ARMC8: variants seen among roughly 807,000 people sequenced by gnomAD.
The protein encoded by ARMC8 is armadillo repeat containing 8, also known as armadillo repeat-containing protein 8.
ARMC8 carries 20 observed loss-of-function variants against 99.3 expected under a neutral mutation model. The observed-to-expected ratio is 0.20, with a 90% CI of 0.14 to 0.29. The LOEUF is 0.29. ARMC8 is among the 10% of genes least tolerant of loss of function. The probability of loss-of-function intolerance (pLI) is 1.00; values close to 1 mark genes in which losing one functional copy is unlikely to be tolerated. For missense variants in ARMC8, 569 were observed against 809.5 expected, an observed-to-expected ratio of 0.70 and a Z score of 3.60; for synonymous variants, 263 against 278.3, an observed-to-expected ratio of 0.95 and a Z score of 0.55.
chr3:138,294,081 C>G (rs2051243579), intron 21 of ARMC8, among the ~76,000 whole-genome samples: 1 of 152,286 alleles, frequency 6.6e-6, no homozygotes, highest in East Asian at 1.9e-4. Flanking sequence ...CCAAAATAAT[C>G]AAACCTAGCC....
At chr3:138,196,048 G>A (rs1374921976) in intron 1 of ARMC8, among the ~76,000 whole-genome samples, 1 of 152,090 alleles carries the variant, frequency 6.6e-6, no homozygotes, top group Non-Finnish European at 1.5e-5. Context: ...TATTAATATT[G>A]GGAGGTCTTT....
At chr3:138,284,562 T>C (rs2050224632) in intron 19 of ARMC8, 36 bp downstream of exon 19, 1 of 1,434,582 alleles carries the variant, frequency 7.0e-7, no homozygotes. Context: ...AGGATTAGAA[T>C]GCAGGGACTG....
At chr3:138,247,505 A>T (rs916695658) in intron 12 of ARMC8, among the ~76,000 whole-genome samples, 2 of 152,362 alleles carry the variant, frequency 1.3e-5, no homozygotes, top group Middle Eastern at 3.4e-3. Flanking sequence ...TGAAATGTTC[A>T]GTTGGTCTGC....
At position 138,239,477 on chromosome 3, in the gene ARMC8, C is replaced by A; in HGVS notation, c.786C>A (p.Tyr262Ter). Residue 262 changes from tyrosine to a stop codon, truncating the protein, a stop_gained, in exon 10 of 22, where the codon TAC (tyrosine) becomes TAA (stop). Transcript: ENST00000469044. LOFTEE classifies it high-confidence loss of function. ...MQLTSAKCLT[Y>*]MCRAGAIRTD... ...TGCTGTCTTATTCCAGTTTAACTTA[C>A]ATGTGTAGAGCTGGAGCAATTCGGA... is the stretch of plus-strand genomic sequence containing the variant. 1 of 1,599,374 alleles carries A rather than the reference C, an allele frequency of 6.3e-7. No individual in the cohort carries two copies. Among genetic ancestry groups the A allele is most frequent in the Non-Finnish European group, 8.5e-7 (1 of 1,173,646 alleles).
At chr3:138,284,326 T>G in intron 18 of ARMC8, 105 bp from the exon 19 acceptor site, 42 of 781,694 alleles carry the variant, frequency 5.4e-5, no homozygotes, top group Non-Finnish European at 8.1e-5. Context: ...GTGGAACCTG[T>G]GAGAATCCAT....
chr3:138,199,058 GT>G (rs1285081453), intron 1 of ARMC8, among the ~76,000 whole-genome samples: 1 of 152,088 alleles, frequency 6.6e-6, no homozygotes, highest in African/African-American at 2.4e-5. Context: ...ATTCTACACT[GT>G]TGAGGCCCAG....
intron 1 of ARMC8, among the ~76,000 whole-genome samples, chr3:138,207,519 A>C (rs995267145): frequency 1.3e-5 from 2 of 152,220 alleles, no homozygotes; most frequent in Non-Finnish European, 2.9e-5. Flanking sequence ...AGCTATAGAC[A>C]GTAAAGATAG....
intron 1 of ARMC8, chr3:138,187,917 G>T: frequency 2.4e-6 from 1 of 416,830 alleles, no homozygotes; most frequent in Non-Finnish European, 4.3e-6. Flanking sequence ...GTTTCACTGA[G>T]CCTTCCTTTT....
chr3:138,294,446 C>G (rs545593353), intron 21 of ARMC8, among the ~76,000 whole-genome samples: 4 of 152,274 alleles, frequency 2.6e-5, no homozygotes, highest in African/African-American at 9.6e-5. Flanking sequence ...CTTGTAGAAC[C>G]CTACTTGCTC....
intron 20 of ARMC8, among the ~76,000 whole-genome samples, chr3:138,289,734 G>A (rs992165547): frequency 2.6e-5 from 4 of 152,100 alleles, no homozygotes; most frequent in Admixed American, 1.3e-4. Context: ...TATAGCCAAG[G>A]TAGCAAATAC....
intron 6 of ARMC8, 187 bp downstream of exon 6, chr3:138,229,197 T>C (rs1193729618): frequency 8.2e-6 from 1 of 122,096 alleles, no homozygotes; most frequent in African/African-American, 3.1e-5. Context: ...TATGTATATG[T>C]ATATGTATAT....
At chr3:138,263,025 G>C (rs2047907902) in intron 12 of ARMC8, among the ~76,000 whole-genome samples, 1 of 152,194 alleles carries the variant, frequency 6.6e-6, no homozygotes, top group Non-Finnish European at 1.5e-5. Context: ...CTCAACAAAT[G>C]TGTTTGTTAA....
intron 14 of ARMC8, 79 bp downstream of exon 14, chr3:138,264,291 G>A (rs535301510): frequency 9.2e-7 from 1 of 1,083,894 alleles, no homozygotes; most frequent in South Asian, 1.3e-5. Flanking sequence ...CTACTCCCTG[G>A]TCTAGGAGTA....
chr3:138,256,442 C>G (rs1576788928), intron 12 of ARMC8, among the ~76,000 whole-genome samples: 1 of 129,566 alleles, frequency 7.7e-6, no homozygotes, highest in South Asian at 2.4e-4. Flanking sequence ...CGGAGTCTCG[C>G]TCTTTTCGCC....
In ARMC8 at chr3:138,235,044, A is replaced by G. The variant is rs536745811; in HGVS notation, c.539A>G (p.His180Arg). ...IFSHCCKGPD[H>R]QTILFNHGAV... ...TCTTTTTTCTTACAGGGGCCAGATC[A>G]TCAAACAATTTTATTTAACCACGGT... The change falls in exon 7 of 22, where the codon CAT becomes CGT. Residue 180 changes from histidine to arginine, a missense_variant. Around this residue, in one of 2 missense-constraint regions of ARMC8, gnomAD observed 342 missense variants for 391.6 expected, o/e 0.87. Coordinates refer to ENST00000469044, the MANE Select transcript of ARMC8 (RefSeq NM_001363941.2). 1 of 1,613,652 alleles carries G rather than the reference A, an allele frequency of 6.2e-7. No homozygotes were observed. Among genetic ancestry groups the G allele is most frequent in the African/African-American group, 1.3e-5 (1 of 75,010 alleles).
chr3:138,242,941 G>A (rs1256753045), intron 11 of ARMC8, among the ~76,000 whole-genome samples: 1 of 152,186 alleles, frequency 6.6e-6, no homozygotes, highest in Admixed American at 6.5e-5. Context: ...TTAAACTTAT[G>A]TGTCTGCTCT....
chr3:138,233,473 T>A (rs3773766), intron 6 of ARMC8, among the ~76,000 whole-genome samples: 77,531 of 152,014 alleles, frequency 0.51, 22,240 homozygotes, highest in East Asian at 0.81. Flanking sequence ...AAATATACAA[T>A]GGGGGTTTGT....
chr3:138,283,707 G>A (rs2050144900), intron 18 of ARMC8, among the ~76,000 whole-genome samples: 1 of 152,184 alleles, frequency 6.6e-6, no homozygotes, highest in African/African-American at 2.4e-5. Context: ...GAATGGAACA[G>A]CTGACAAGAA....
chr3:138,246,153 A>G (rs2046871253), intron 12 of ARMC8: 10 of 985,722 alleles, frequency 1.0e-5, no homozygotes, highest in Non-Finnish European at 1.2e-5. Flanking sequence ...ATTTGTTGAA[A>G]TAACTTGAAA....
Sources: allele counts gnomAD v4.1 joint callset (sites outside exome capture counted in the v4.1 genomes callset), GRCh38; gene constraint gnomAD v4.1.1; regional missense constraint gnomAD v4.1.1; transcripts MANE v1.5; gene names NCBI Gene and HGNC (gene_info 2026-07-23, HGNC 2026-07-21).